INF2: variants seen among roughly 807,000 people sequenced by gnomAD.
The protein encoded by INF2 is inverted formin-2.
In INF2, 43 loss-of-function variants were observed where a neutral mutation model predicts 123.5. The observed-to-expected ratio is 0.35, with a 90% confidence interval of 0.27 to 0.45. The LOEUF (loss-of-function observed/expected upper bound fraction) is 0.45, where lower values mean the gene tolerates loss of function less well. Ranked by LOEUF, INF2 falls within the 20% of genes least tolerant of loss-of-function variation. The pLI is 1.00. For missense variants in INF2, 1,453 were observed against 1,682.7 expected (o/e 0.86, Z 2.39); for synonymous variants, 851 against 745.0 (o/e 1.14, Z -2.32).
intron 1 of INF2, among the ~76,000 whole-genome samples, chr14:104,683,828 CCCTTCTCT>C (rs1888591922): frequency 6.6e-6 from 1 of 152,200 alleles, no homozygotes; most frequent in Non-Finnish European, 1.5e-5. Context: ...TCCCCCTCTC[CCCTTCTCT>C]GCCGCCCCAC....
At chr14:104,690,054 C>T (rs1438981655) in intron 1 of INF2, 3 of 152,270 alleles carry the variant, frequency 2.0e-5, no homozygotes, top group Non-Finnish European at 4.4e-5. Flanking sequence ...ATTTCCGCGC[C>T]TCGCGGCTGC....
intron 1 of INF2, among the ~76,000 whole-genome samples, chr14:104,695,439 T>C (rs1357220583): frequency 2.0e-5 from 3 of 152,074 alleles, no homozygotes; most frequent in South Asian, 2.1e-4. Flanking sequence ...CTGTGGCCTG[T>C]AGAAGGCCCA....
chr14:104,692,151 G>A (rs538435969), intron 1 of INF2, among the ~76,000 whole-genome samples: 1 of 152,302 alleles, frequency 6.6e-6, no homozygotes, highest in African/African-American at 2.4e-5. Flanking sequence ...TCTGTGTGCT[G>A]GGTGAGTGGG....
intron 2 of INF2, among the ~76,000 whole-genome samples, chr14:104,702,445 G>C (rs553490144): frequency 6.8e-6 from 1 of 147,778 alleles, no homozygotes; most frequent in African/African-American, 2.7e-5. Flanking sequence ...CCCAAAGTTA[G>C]TCCCGGTCCC....
Position 104,703,376 on chromosome 14 carries a change from C to A in INF2, c.589C>A (p.Leu197Met), listed in dbSNP as rs1343712688. The change falls in exon 4 of 23, where the codon CTG becomes ATG. Residue 197 changes from leucine (L) to methionine (M), a missense_variant. Physicochemically the swap from Leu to Met is conservative, Grantham distance 15 (BLOSUM62 2). Transcript: ENST00000392634. ...CGACAACGTGCCCTACGTGGTCACC[C>A]TGCTTAGCGTGATCAACGCCGTCAT... The part of the protein sequence containing the change: ...GSDNVPYVVT[L>M]LSVINAVILG... 1 of 1,612,936 alleles carries A rather than the reference C, an allele frequency of 6.2e-7. No individual in the cohort carries two copies. The highest frequency in any genetic ancestry group is 1.3e-5 in the African/African-American group (1 of 74,946).
upstream of INF2, among the ~76,000 whole-genome samples, chr14:104,688,182 C>T (rs763047248): frequency 6.6e-6 from 1 of 152,262 alleles, no homozygotes; most frequent in Non-Finnish European, 1.5e-5. Flanking sequence ...GGAGGGTGTC[C>T]AGTGAGCGCC....
In INF2 at chr14:104,709,395, AC is replaced by A; in HGVS notation, c.2052+17del. On this transcript the variant is annotated intron_variant, in intron 11 of 22. Coordinates refer to ENST00000392634, the MANE Select transcript of INF2 (RefSeq NM_022489.4). ...CCGAGAAGCACGAGGTAAGAGGACC[AC>A]CCCCACACCCCACCCCCAGTTAGTG... 1.3e-6 allele frequency: 2 copies of A among 1,589,124 alleles called. No individual in the cohort carries two copies. Among genetic ancestry groups the A allele is most frequent in the Non-Finnish European group, 1.7e-6 (2 of 1,158,530 alleles).
chr14:104,707,744 C>T lies in INF2; in HGVS notation c.1477C>T (p.Pro493Ser). The change falls in exon 8 of 23, where the codon CCA becomes TCA. Residue 493 changes from proline to serine, a missense_variant. Around this residue, in one of 8 missense-constraint regions of INF2, gnomAD observed 374 missense variants for 303.7 expected, o/e 1.23. Transcript: ENST00000392634. The part of the protein sequence containing the change: ...SCEFLPPPPP[P>S]LPGLGCPPPP... ...TGAGTTCCTGCCCCCACCACCTCCA[C>T]CACTCCCGGGCTTGGGATGCCCGCC... is the stretch of plus-strand genomic sequence containing the variant. 7.3e-7 allele frequency: 1 copy of T among 1,367,840 alleles called. No individual in the cohort carries two copies. Among genetic ancestry groups the T allele is most frequent in the Non-Finnish European group, 1.0e-6 (1 of 994,952 alleles). 84.7% of individuals were successfully genotyped at this position (1,367,840 alleles called of 1,614,324 possible).
Position 104,715,292 on chromosome 14 carries a change from CCT to C in INF2, c.3704_3705del (p.Pro1235ArgfsTer3), listed in dbSNP as rs763988639. The C allele has an allele frequency of 2.2e-5, 36 of 1,613,582 alleles. 1 individual carries two copies. The highest frequency in any genetic ancestry group is 1.6e-4 in the East Asian group (7 of 44,888). ...CTTTTATTTGGAAGCAGAGGTTCCC[CCT>C]GATTCTGATGATAATAAAACAAAGA... ...RPSRSQEEVP[P>X]DSDDNKTKKL... is the part of the protein sequence containing the mutation. On this transcript the variant is annotated frameshift_variant, in exon 22 of 23. Transcript: ENST00000392634. LOFTEE classifies it high-confidence loss of function.
At chr14:104,703,653 T>G (rs1233743215) in intron 4 of INF2, among the ~76,000 whole-genome samples, 199 bp downstream of exon 4, 1 of 152,208 alleles carries the variant, frequency 6.6e-6, no homozygotes, top group Non-Finnish European at 1.5e-5. Flanking sequence ...GGGTCAACCC[T>G]GGACCGTTCT....
intron 1 of INF2, among the ~76,000 whole-genome samples, chr14:104,693,279 A>G (rs1271711100): frequency 6.6e-6 from 1 of 152,014 alleles, no homozygotes; most frequent in African/African-American, 2.4e-5. Flanking sequence ...GGTGGGGGAG[A>G]GGGAGTGGGG....
Position 104,707,057 on chromosome 14 carries a change from G to C in INF2, c.985+6G>C. The C allele has an allele frequency of 6.4e-7, 1 of 1,574,666 alleles. No homozygotes were observed. Among genetic ancestry groups the C allele is most frequent in the Non-Finnish European group, 8.6e-7 (1 of 1,168,460 alleles). On this transcript the variant is annotated splice_donor_region_variant and intron_variant, in intron 7 of 22. Coordinates refer to ENST00000392634, the MANE Select transcript of INF2 (RefSeq NM_022489.4). The stretch of plus-strand genomic sequence containing the variant: ...CGTGCTCCTGGCCAGCGATGGTGAG[G>C]GGGCGGGGCAGGGGCGTAGGCACAG...
chr14:104,690,296 G>A (rs1888879282), intron 1 of INF2: 1 of 152,320 alleles, frequency 6.6e-6, no homozygotes, highest in African/African-American at 2.4e-5. Flanking sequence ...GGGTGGGGTA[G>A]GATCCAATCC....
intron 6 of INF2, among the ~76,000 whole-genome samples, chr14:104,706,421 A>G (rs555744074): frequency 2.0e-5 from 3 of 152,200 alleles, no homozygotes; most frequent in Non-Finnish European, 4.4e-5. Flanking sequence ...CCAGGGCCAC[A>G]GGACCCAGAA....
chr14:104,706,469 C>G (rs1369115861), intron 6 of INF2, among the ~76,000 whole-genome samples: 1 of 152,198 alleles, frequency 6.6e-6, no homozygotes, highest in Non-Finnish European at 1.5e-5. Context: ...CCACAGCCGG[C>G]CTTACTGTCC....
At chr14:104,689,175 AG>A (rs1050588064), upstream of INF2, 4 of 981,804 alleles carry the variant, frequency 4.1e-6, no homozygotes, top group African/African-American at 7.2e-5. Context: ...ATCTCTGCTG[AG>A]GGATCCCCGA....
chr14:104,688,775 C>G (rs940420039), upstream of INF2, among the ~76,000 whole-genome samples: 1 of 152,212 alleles, frequency 6.6e-6, no homozygotes, highest in Non-Finnish European at 1.5e-5. Context: ...AGGCCTGGTG[C>G]GCTGCTTCCT....
Position 104,715,649 on chromosome 14 carries a change from C to T in INF2, c.*1+309C>T, listed in dbSNP as rs535765857. On this transcript the variant is annotated intron_variant, in intron 22 of 22. Coordinates refer to ENST00000392634, the MANE Select transcript of INF2 (RefSeq NM_022489.4). Reference sequence around the variant, plus strand: ...CCGGACTCCCTTAGCAAGCAGGATCCGGGCCCTGGGGCGTGGGCGGGACCT... The same window carrying T: ...CCGGACTCCCTTAGCAAGCAGGATCTGGGCCCTGGGGCGTGGGCGGGACCT... 378 of 578,962 alleles carry T rather than the reference C, an allele frequency of 6.5e-4. 4 individuals are homozygous for T. Among genetic ancestry groups the T allele is most frequent in the African/African-American group, 6.0e-3 (326 of 54,142 alleles). The allele number at this position is 578,962 out of a possible 1,614,324, so 35.9% of individuals were successfully genotyped here.
At chr14:104,709,456 C>T (rs1889941268) in intron 11 of INF2, 73 bp downstream of exon 11, 1 of 1,366,594 alleles carries the variant, frequency 7.3e-7, no homozygotes, top group Non-Finnish European at 1.0e-6. Flanking sequence ...CCGGGGGCTC[C>T]CAGCAGGGAG....
Sources: allele counts gnomAD v4.1 joint callset (sites outside exome capture counted in the v4.1 genomes callset), GRCh38; gene constraint gnomAD v4.1.1; regional missense constraint gnomAD v4.1.1; transcripts MANE v1.5; gene names NCBI Gene and HGNC (gene_info 2026-07-23, HGNC 2026-07-21).